TRPC5: variants seen among roughly 807,000 people sequenced by gnomAD.
The protein encoded by TRPC5 is short transient receptor potential channel 5.
In TRPC5, 9 loss-of-function variants were observed where a neutral mutation model predicts 56.5. The observed-to-expected ratio is 0.16, with a 90% CI of 0.10 to 0.28. The LOEUF (loss-of-function observed/expected upper bound fraction) is 0.28. TRPC5 is among the 10% of genes least tolerant of loss of function. The pLI, the probability that TRPC5 is intolerant of heterozygous loss-of-function variation, is 1.00. For synonymous variants in TRPC5, 282 were observed against 278.5 expected, an observed-to-expected ratio of 1.01 and a Z score of -0.13; for missense variants, 469 against 748.9, an observed-to-expected ratio of 0.63 and a Z score of 4.36.
In TRPC5 at chrX:111,772,472, C is replaced by T. The variant is rs1356149280; in HGVS notation, c.*3841G>A. Among the ~76,000 whole-genome samples the T allele has an allele frequency of 9.0e-6, 1 of 111,576 alleles. No homozygotes were observed. Among genetic ancestry groups the T allele is most frequent in the Non-Finnish European group, 1.9e-5 (1 of 53,173 alleles). The stretch of plus-strand genomic sequence containing the variant: ...TATTTTTGAGACAGTCTCGCTCTGC[C>T]GCCCAGGCTTGAGTGCAGTGGTGTG... On this transcript the variant is annotated 3_prime_UTR_variant, in exon 11 of 11. Coordinates refer to ENST00000262839, the MANE Select transcript of TRPC5 (RefSeq NM_012471.3).
chrX:111,814,618 C>A (rs1223832438), intron 7 of TRPC5, among the ~76,000 whole-genome samples: 1 of 110,358 alleles, frequency 9.1e-6, no homozygotes, highest in Non-Finnish European at 1.9e-5. Context: ...CCAAGAGCCC[C>A]CTTGGTGAGT....
chrX:111,790,081 A>G (rs909148475), intron 7 of TRPC5, among the ~76,000 whole-genome samples: 2 of 112,184 alleles, frequency 1.8e-5, no homozygotes, highest in Non-Finnish European at 3.8e-5. Flanking sequence ...AGGATTATAA[A>G]TCATGCTGCT....
At position 111,912,562 on chromosome X, in the gene TRPC5, G is replaced by A; in HGVS notation, c.629C>T (p.Ala210Val). 8.3e-7 allele frequency: 1 copy of A among 1,211,692 alleles called. No individual in the cohort carries two copies. Among genetic ancestry groups the A allele is most frequent in the Non-Finnish European group, 1.1e-6 (1 of 895,550 alleles). ...YKALASPSLIALSSEDPILTA... is the reference protein window; with the variant it reads ...YKALASPSLIVLSSEDPILTA... ...TAGGATGGGGTCCTCACTTGATAAG[G>A]CAATGAGTGAGGGGCTTGCCAGAGC... Residue 210 changes from alanine to valine, a missense_variant, in exon 3 of 11, where the codon GCC becomes GTC. Ala to Val is a moderately conservative substitution (Grantham distance 64). Transcript: ENST00000262839.
Position 111,847,449 on chromosome X carries a change from A to G in TRPC5, c.1378-13T>C. 1.7e-6 allele frequency: 2 copies of G among 1,182,066 alleles called. No homozygotes were observed. The highest frequency in any genetic ancestry group is 1.8e-5 in the South Asian group (1 of 54,556). On this transcript the variant is annotated splice_polypyrimidine_tract_variant and intron_variant, in intron 5 of 10. Coordinates refer to ENST00000262839, the MANE Select transcript of TRPC5 (RefSeq NM_012471.3). Reference sequence around the variant, plus strand: ...GAGAACCATTATACTGAAAGAAACAACAAGTGCACAAGATGAGGGGTACAG... The same window carrying G: ...GAGAACCATTATACTGAAAGAAACAGCAAGTGCACAAGATGAGGGGTACAG...
At chrX:111,824,459 T>C (rs563071494) in intron 7 of TRPC5, among the ~76,000 whole-genome samples, 9 of 111,882 alleles carry the variant, frequency 8.0e-5, no homozygotes, top group African/African-American at 2.3e-4. Flanking sequence ...AAGCACTTAG[T>C]GCTGGCATTT....
intron 7 of TRPC5, among the ~76,000 whole-genome samples, chrX:111,799,552 C>A (rs1921234086): frequency 9.0e-6 from 1 of 110,958 alleles, no homozygotes; most frequent in African/African-American, 3.3e-5. Flanking sequence ...GCTGTCAATG[C>A]TATGGAAGAA....
chrX:111,914,718 A>C (rs1271842551), intron 2 of TRPC5, among the ~76,000 whole-genome samples: 2 of 112,290 alleles, frequency 1.8e-5, no homozygotes. Flanking sequence ...TCATAAAGTA[A>C]ATTGGACACA....
chrX:111,862,115 A>G (rs1923422169), intron 3 of TRPC5, among the ~76,000 whole-genome samples: 1 of 112,010 alleles, frequency 8.9e-6, no homozygotes, highest in South Asian at 3.7e-4. Flanking sequence ...TGTTTGTACA[A>G]TGAAGACAAC....
intron 3 of TRPC5, among the ~76,000 whole-genome samples, chrX:111,899,856 A>G (rs1925252219): frequency 9.0e-6 from 1 of 111,521 alleles, no homozygotes; most frequent in African/African-American, 3.3e-5. Flanking sequence ...AGATCCTTTG[A>G]ATTAATAAAA....
At chrX:112,012,925 A>T (rs958306072) in intron 1 of TRPC5, among the ~76,000 whole-genome samples, 7 of 111,402 alleles carry the variant, frequency 6.3e-5, no homozygotes, top group African/African-American at 2.3e-4. Flanking sequence ...ATGAGGAAAT[A>T]CTCCTGTGTA....
chrX:112,042,301 A>T (rs957090190), intron 1 of TRPC5, among the ~76,000 whole-genome samples: 13 of 111,709 alleles, frequency 1.2e-4, no homozygotes, highest in Non-Finnish European at 2.3e-4. Context: ...CGAGAAAGGA[A>T]GATAAACGAT....
At chrX:111,860,810 A>G (rs991905952) in intron 3 of TRPC5, among the ~76,000 whole-genome samples, 19 of 112,197 alleles carry the variant, frequency 1.7e-4, no homozygotes, top group African/African-American at 6.1e-4. Flanking sequence ...TATGTTGCCA[A>G]ATAATCCTGT....
At chrX:111,876,441 G>A (rs190636804) in intron 3 of TRPC5, among the ~76,000 whole-genome samples, 5 of 111,478 alleles carry the variant, frequency 4.5e-5, no homozygotes, top group Admixed American at 9.5e-5. Context: ...TGGGCACGCC[G>A]TACCCCTTAT....
intron 3 of TRPC5, among the ~76,000 whole-genome samples, chrX:111,906,497 C>T (rs370074027): frequency 9.7e-4 from 108 of 111,708 alleles, no homozygotes; most frequent in African/African-American, 3.3e-3. Flanking sequence ...TGGGGGAACA[C>T]GCCTTTCTTG....
At chrX:111,975,428 T>A (rs1198560247) in intron 1 of TRPC5, among the ~76,000 whole-genome samples, 2 of 109,874 alleles carry the variant, frequency 1.8e-5, no homozygotes, top group Non-Finnish European at 3.8e-5. Context: ...ATTATATAAT[T>A]ATTATTATAT....
intron 2 of TRPC5, among the ~76,000 whole-genome samples, chrX:111,922,922 A>G (rs908853157): frequency 1.8e-5 from 2 of 112,157 alleles, no homozygotes; most frequent in Non-Finnish European, 3.8e-5. Flanking sequence ...AGCACTTTCC[A>G]TATGCCAGGC....
intron 7 of TRPC5, among the ~76,000 whole-genome samples, chrX:111,833,140 G>A (rs1364027290): frequency 1.8e-5 from 2 of 111,358 alleles, no homozygotes; most frequent in East Asian, 5.6e-4. Context: ...TGGCCTAGTT[G>A]TTTGAATGAG....
At chrX:112,028,661 A>G (rs775382003) in intron 1 of TRPC5, among the ~76,000 whole-genome samples, 11 of 112,052 alleles carry the variant, frequency 9.8e-5, no homozygotes, top group African/African-American at 3.6e-4. Flanking sequence ...ACATTTTCTT[A>G]ATCCAGTCTA....
intron 1 of TRPC5, among the ~76,000 whole-genome samples, chrX:111,988,173 C>T (rs1251938066): frequency 8.9e-6 from 1 of 111,798 alleles, no homozygotes; most frequent in South Asian, 3.8e-4. Flanking sequence ...GGGTTTCTAC[C>T]TCTAAAGCAG....
Sources: allele counts gnomAD v4.1 joint callset (sites outside exome capture counted in the v4.1 genomes callset), GRCh38; gene constraint gnomAD v4.1.1; transcripts MANE v1.5; gene names NCBI Gene and HGNC (gene_info 2026-07-23, HGNC 2026-07-21).